The following RBBP6 variants were observed in gnomAD, a reference collection of about 807,000 sequenced individuals.
RBBP6 encodes E3 ubiquitin-protein ligase RBBP6.
In RBBP6, 25 loss-of-function variants were observed where a neutral mutation model predicts 167.7. That is an observed-to-expected ratio of 0.15 (90% CI 0.11 to 0.21). The LOEUF is 0.21. Among genes scored for constraint, RBBP6 ranks in the 10% least tolerant of loss-of-function variants. The pLI is 1.00. For missense variants in RBBP6, 1,868 were observed against 2,134.2 expected, an observed-to-expected ratio of 0.88 and a Z score of 2.46; for synonymous variants, 789 against 735.8, an observed-to-expected ratio of 1.07 and a Z score of -1.17.
In RBBP6 at chr16:24,542,194, T is replaced by C. The variant is rs1234933186; in HGVS notation, c.166+1402T>C. Among the ~76,000 whole-genome samples, 3 of 152,258 alleles carry C rather than the reference T, an allele frequency of 2.0e-5. No homozygotes were observed. The East Asian group carries it at 5.8e-4, about 29-fold the overall frequency. ...GTGGTGGTCATGAACAGTTGAGAAA[T>C]AGCTTTATTTAAGTGCCTCACAAGC... On this transcript the variant is annotated intron_variant, in intron 1 of 17. Coordinates refer to ENST00000319715, the MANE Select transcript of RBBP6 (RefSeq NM_006910.5).
At chr16:24,560,010 G>A (rs534105593) in intron 8 of RBBP6, among the ~76,000 whole-genome samples, 1 of 151,960 alleles carries the variant, frequency 6.6e-6, no homozygotes, top group South Asian at 2.1e-4. Context: ...GATAATTCTG[G>A]AAATATTTTT....
intron 9 of RBBP6, 30 bp from the exon 10 acceptor site, chr16:24,561,794 T>C: frequency 6.2e-7 from 1 of 1,604,682 alleles, no homozygotes; most frequent in African/African-American, 1.3e-5. Context: ...GCATAACATT[T>C]TTCTGCATTA....
At chr16:24,570,552 T>C (rs1394639426) in intron 17 of RBBP6, 53 bp downstream of exon 17, 7 of 1,433,198 alleles carry the variant, frequency 4.9e-6, no homozygotes, top group Admixed American at 2.5e-5. Context: ...AGGATTTTCT[T>C]CAGTTTTATC....
intron 8 of RBBP6, 121 bp downstream of exon 8, chr16:24,559,798 T>C (rs1899003344): frequency 2.3e-6 from 2 of 874,766 alleles, no homozygotes; most frequent in East Asian, 6.2e-5. Flanking sequence ...CAAGTGTTGA[T>C]CAATGAGCAT....
In RBBP6 at chr16:24,570,512, A is replaced by AG; in HGVS notation, c.3809+18dup. On this transcript the variant is annotated intron_variant, in intron 17 of 17. Transcript: ENST00000319715. Reference sequence around the variant, plus strand: ...TGGATTACACCAGGTAGCTGAGTGTAGGGGGTGGGTGTGGAACTTTGTTGG... The same window carrying AG: ...TGGATTACACCAGGTAGCTGAGTGTAGGGGGGTGGGTGTGGAACTTTGTTGG... 6.5e-7 allele frequency: 1 copy of AG among 1,549,604 alleles called. No homozygotes were observed. The highest frequency in any genetic ancestry group is 1.3e-5 in the South Asian group (1 of 79,760).
intron 7 of RBBP6, among the ~76,000 whole-genome samples, chr16:24,557,355 A>T (rs1898938276): frequency 6.6e-6 from 1 of 152,142 alleles, no homozygotes; most frequent in Admixed American, 6.5e-5. Flanking sequence ...ACAGACATGA[A>T]AATTCAGTGG....
At chr16:24,561,510 C>T in intron 8 of RBBP6, 102 bp from the exon 9 acceptor site, 2 of 957,198 alleles carry the variant, frequency 2.1e-6, no homozygotes, top group Non-Finnish European at 3.2e-6. Context: ...GCTTGGAAAA[C>T]AGTAATGTAA....
intron 3 of RBBP6, among the ~76,000 whole-genome samples, chr16:24,550,289 A>G (rs1447046669): frequency 6.6e-6 from 1 of 150,896 alleles, no homozygotes; most frequent in Non-Finnish European, 1.5e-5. Flanking sequence ...AACTAAATAC[A>G]GTGATTCTAA....
intron 1 of RBBP6, among the ~76,000 whole-genome samples, chr16:24,542,458 T>C (rs1358565025): frequency 9.9e-5 from 12 of 121,134 alleles, no homozygotes; most frequent in Non-Finnish European, 1.2e-4. Context: ...GAATGCAGCT[T>C]TTTTTTTTTT....
chr16:24,570,282 G>A lies in RBBP6; in HGVS notation c.3592G>A (p.Asp1198Asn). The A allele has an allele frequency of 6.2e-7, 1 of 1,610,514 alleles. No homozygotes were observed. The highest frequency in any genetic ancestry group is 1.7e-5 in the Admixed American group (1 of 59,268). The stretch of plus-strand genomic sequence containing the variant: ...AAAAATGGATAGGACCCCTGAAAAG[G>A]ACAAAATTTCTTTAAGTGCGCCAGC... ...TEKMDRTPEK[D>N]KISLSAPAKK... Residue 1198 changes from aspartate (D) to asparagine (N), a missense_variant, in exon 17 of 18, where the codon GAC (aspartate) becomes AAC (asparagine). Asp to Asn is a conservative substitution (Grantham distance 23). Coordinates refer to ENST00000319715, the MANE Select transcript of RBBP6 (RefSeq NM_006910.5).
chr16:24,570,214 T>C lies in RBBP6; in HGVS notation c.3524T>C (p.Ile1175Thr). ...MKISKLEVTE[I>T]VKPSPKRKME... ...ATCTCGAAACTAGAAGTGACTGAAA[T>C]AGTGAAACCATCACCAAAGCGCAAA... The change falls in exon 17 of 18, where the codon ATA (isoleucine) becomes ACA (threonine). Residue 1175 changes from isoleucine to threonine, a missense_variant. Ile to Thr is a moderately conservative substitution (Grantham distance 89). Transcript: ENST00000319715. 1 of 1,612,214 alleles carries C rather than the reference T, an allele frequency of 6.2e-7. No individual in the cohort carries two copies. Among genetic ancestry groups the C allele is most frequent in the Non-Finnish European group, 8.5e-7 (1 of 1,179,638 alleles).
chr16:24,560,179 G>A (rs12149378), intron 8 of RBBP6, among the ~76,000 whole-genome samples: 12,257 of 143,202 alleles, frequency 0.086, 624 homozygotes, highest in Non-Finnish European at 0.11. Context: ...GTGTAATCTC[G>A]GCTCACTGCA....
In RBBP6 at chr16:24,571,794, A is replaced by C; in HGVS notation, c.4728A>C (p.Ala1576=). The change falls in exon 18 of 18, where the codon GCA becomes GCC. Residue 1576 remains alanine (A), a synonymous_variant. Transcript: ENST00000319715. The part of the protein sequence containing the change: ...CKDREKHVLE[A]RNNKESSGNK... ...ATCGTGAGAAGCATGTATTAGAAGC[A>C]AGGAACAATAAAGAGTCAAGTGGCA... The C allele has an allele frequency of 6.2e-7, 1 of 1,614,060 alleles. No individual in the cohort carries two copies. The highest frequency in any genetic ancestry group is 8.5e-7 in the Non-Finnish European group (1 of 1,179,946).
intron 4 of RBBP6, chr16:24,554,744 T>C (rs1898874073): frequency 6.7e-6 from 1 of 148,664 alleles, no homozygotes. Flanking sequence ...TGGGGAGGAG[T>C]TGGGGCGGTT....
At position 24,563,448 on chromosome 16, in the gene RBBP6, C is replaced by G. The variant is rs1431650578; in HGVS notation, c.1412C>G (p.Thr471Ser). Residue 471 changes from threonine to serine, a missense_variant, in exon 12 of 18, where the codon ACC (threonine) becomes AGC (serine). This residue lies in a region of RBBP6 where 245 missense variants were observed against 240.1 expected (regional missense o/e 1.02). Transcript: ENST00000319715. ...GGTTACCAGGTGCCTGTTCTTGGAA[C>G]CCCATCTTTGCTTGGACAGTCATTA... is the stretch of plus-strand genomic sequence containing the variant. ...EKGYQVPVLGTPSLLGQSLLH... is the reference protein window; with the variant it reads ...EKGYQVPVLGSPSLLGQSLLH... The G allele has an allele frequency of 6.2e-7, 1 of 1,611,466 alleles. No homozygotes were observed. The highest frequency in any genetic ancestry group is 1.7e-5 in the Admixed American group (1 of 59,638).
intron 5 of RBBP6, 49 bp downstream of exon 5, chr16:24,555,752 T>TC (rs745542028): frequency 8.9e-6 from 14 of 1,581,804 alleles, no homozygotes; most frequent in African/African-American, 4.1e-5. Flanking sequence ...GGGTGGGTTT[T>TC]CCCCCCCAAT....
At position 24,556,457 on chromosome 16, in the gene RBBP6, C is replaced by T; in HGVS notation, c.674+10C>T. Reference sequence around the variant, plus strand: ...TACCAACTATAGATGCGTAAGTATGCAAATTAGGTATGACCTGTGGAGACT... The same window carrying T: ...TACCAACTATAGATGCGTAAGTATGTAAATTAGGTATGACCTGTGGAGACT... On this transcript the variant is annotated intron_variant, in intron 7 of 17. Coordinates refer to ENST00000319715, the MANE Select transcript of RBBP6 (RefSeq NM_006910.5). The T allele has an allele frequency of 6.2e-7, 1 of 1,610,538 alleles. No homozygotes were observed. Among genetic ancestry groups the T allele is most frequent in the Non-Finnish European group, 8.5e-7 (1 of 1,178,398 alleles).
At chr16:24,561,475 A>C in intron 8 of RBBP6, 137 bp from the exon 9 acceptor site, 1 of 707,226 alleles carries the variant, frequency 1.4e-6, no homozygotes, top group South Asian at 1.9e-5. Context: ...AAGTTTCTTA[A>C]TCTAAGAAAT....
At chr16:24,553,331 A>T (rs1340961560) in intron 3 of RBBP6, 182 bp from the exon 4 acceptor site, 1 of 491,164 alleles carries the variant, frequency 2.0e-6, no homozygotes, top group Non-Finnish European at 3.7e-6. Flanking sequence ...AGCTTTTTAT[A>T]ACTGTGTGAA....
Sources: allele counts gnomAD v4.1 joint callset (sites outside exome capture counted in the v4.1 genomes callset), GRCh38; gene constraint gnomAD v4.1.1; regional missense constraint gnomAD v4.1.1; transcripts MANE v1.5; gene names NCBI Gene and HGNC (gene_info 2026-07-23, HGNC 2026-07-21).